Variants in ELF1 observed in about 807,000 individuals in gnomAD.
The protein encoded by ELF1 is ETS-related transcription factor Elf-1.
In ELF1, 24 loss-of-function variants were observed where a neutral mutation model predicts 59.9. That is an observed-to-expected ratio of 0.40 (90% CI 0.29 to 0.56). The LOEUF is 0.56. Among genes scored for constraint, ELF1 ranks in the 20% least tolerant of loss-of-function variants. The pLI is 0.44. For missense variants in ELF1, 627 were observed against 742.2 expected (o/e 0.84, Z 1.80); for synonymous variants, 248 against 266.2 (o/e 0.93, Z 0.67).
Position 41,042,795 on chromosome 13 carries a change from A to G in ELF1, c.-229+18043T>C, listed in dbSNP as rs149373225. ...CATGTGCATGTGTCTTTAGAGCAGC[A>G]TGATTTATAATCCTTTGAAAATATA... On this transcript the variant is annotated intron_variant, in intron 1 of 1. Coordinates refer to the ELF1 transcript ENST00000405737. 7.5e-3 allele frequency among the ~76,000 whole-genome samples: 1,140 copies of G among 152,338 alleles called. 7 individuals are homozygous for G. The highest frequency in any genetic ancestry group is 0.017 in the Middle Eastern group (5 of 294).
Position 40,941,091 on chromosome 13 carries a change from T to C in ELF1, c.1086A>G (p.Ala362=), listed in dbSNP as rs779678252. The change falls in exon 8 of 9, where the codon GCA becomes GCG. Residue 362 remains alanine, a synonymous_variant. Coordinates refer to ENST00000239882, the MANE Select transcript of ELF1 (RefSeq NM_172373.4). ...CTGTCCTCAAAACTTCTGATGGTTG[T>C]GCAACTTCCACAGGATCTTTGGGTT... ...AAKPKDPVEV[A]QPSEVLRTVQ... The C allele has an allele frequency of 6.2e-7, 1 of 1,614,216 alleles. No homozygotes were observed. The highest frequency in any genetic ancestry group is 8.5e-7 in the Non-Finnish European group (1 of 1,180,028).
At chr13:41,008,834 T>C (rs931276024) in intron 1 of ELF1, among the ~76,000 whole-genome samples, 1 of 152,200 alleles carries the variant, frequency 6.6e-6, no homozygotes, top group African/African-American at 2.4e-5. Flanking sequence ...AGCAACATAT[T>C]CCAACAGATT....
At chr13:41,015,780 T>C (rs1875321425) in intron 1 of ELF1, among the ~76,000 whole-genome samples, 1 of 152,190 alleles carries the variant, frequency 6.6e-6, no homozygotes, top group Non-Finnish European at 1.5e-5. Flanking sequence ...TTTTTAAAGA[T>C]GTGCCATCTT....
At chr13:41,034,123 A>G (rs1347865780) in intron 1 of ELF1, among the ~76,000 whole-genome samples, 1 of 152,176 alleles carries the variant, frequency 6.6e-6, no homozygotes, top group African/African-American at 2.4e-5. Context: ...TCACAAGAAA[A>G]CAAGAGATAT....
chr13:41,017,926 C>T (rs568153841), intron 1 of ELF1, among the ~76,000 whole-genome samples: 3 of 152,288 alleles, frequency 2.0e-5, no homozygotes, highest in East Asian at 1.9e-4. Context: ...AATGGCTCAG[C>T]TGAATTGGTA....
chr13:40,989,280 C>A lies in ELF1; in HGVS notation c.-228-6998G>T, dbSNP rs547969011. Among the ~76,000 whole-genome samples the A allele has an allele frequency of 8.6e-4, 131 of 152,296 alleles. 1 individual carries two copies. Among genetic ancestry groups the A allele is most frequent in the Non-Finnish European group, 6.6e-4 (45 of 68,012 alleles). Reference sequence around the variant, plus strand: ...CTTTCTCTAAACCAGGTACTCTACACACAAAGTTGAAGGGAAAAAACACAA... The same window carrying A: ...CTTTCTCTAAACCAGGTACTCTACAAACAAAGTTGAAGGGAAAAAACACAA... On this transcript the variant is annotated intron_variant, in intron 1 of 8. Coordinates refer to ENST00000239882, the MANE Select transcript of ELF1 (RefSeq NM_172373.4).
At chr13:41,016,106 C>CCTAGTCAGTG (rs1327347650) in intron 1 of ELF1, among the ~76,000 whole-genome samples, 11 of 152,140 alleles carry the variant, frequency 7.2e-5, no homozygotes, top group Non-Finnish European at 1.3e-4. Flanking sequence ...TCTGAATTTA[C>CCTAGTCAGTG]CTAGTCAGTG....
At chr13:40,978,387 A>AT (rs1555275268) in intron 2 of ELF1, among the ~76,000 whole-genome samples, 1 of 151,864 alleles carries the variant, frequency 6.6e-6, no homozygotes, top group Non-Finnish European at 1.5e-5. Context: ...CAAAAAAAAA[A>AT]CAAAAAAGAA....
intron 2 of ELF1, among the ~76,000 whole-genome samples, chr13:40,977,199 GTATCCA>G (rs1220996538): frequency 6.6e-6 from 1 of 151,804 alleles, no homozygotes; most frequent in East Asian, 1.9e-4. Context: ...TTAGAAACTT[GTATCCA>G]TAGACTTCTG....
chr13:40,999,349 A>C (rs1874284607), intron 1 of ELF1, among the ~76,000 whole-genome samples: 2 of 79,086 alleles, frequency 2.5e-5, no homozygotes, highest in South Asian at 1.1e-3. Context: ...GAGAGACTAA[A>C]GGGGAAAGGA....
rs147408727 is a variant in ELF1, at chr13:41,014,704, G to A, written c.-229+4524C>T. Among the ~76,000 whole-genome samples, 371 of 152,244 alleles carry A rather than the reference G, an allele frequency of 2.4e-3. 3 individuals are homozygous for A. The highest frequency in any genetic ancestry group is 0.011 in the South Asian group (53 of 4,826). Reference sequence around the variant, plus strand: ...ACCATTTATATGAAGCAGCTCCTAAGTAAAGGAGCAAAATAGTCTGGCTAA... The same window carrying A: ...ACCATTTATATGAAGCAGCTCCTAAATAAAGGAGCAAAATAGTCTGGCTAA... On this transcript the variant is annotated intron_variant, in intron 1 of 8. Transcript: ENST00000239882.
intron 1 of ELF1, among the ~76,000 whole-genome samples, chr13:41,034,938 C>G (rs1161951015): frequency 6.6e-6 from 1 of 152,178 alleles, no homozygotes; most frequent in East Asian, 1.9e-4. Flanking sequence ...TACATCTGAA[C>G]TTGTTAGTTC....
intron 1 of ELF1, among the ~76,000 whole-genome samples, chr13:40,997,366 T>TTCTGCC (rs1315762535): frequency 6.6e-6 from 1 of 152,120 alleles, no homozygotes; most frequent in East Asian, 1.9e-4. Context: ...CAAGCGATTC[T>TTCTGCC]TCTGCCTCTG....
At chr13:40,975,540 T>C (rs1476233639) in intron 2 of ELF1, among the ~76,000 whole-genome samples, 1 of 152,244 alleles carries the variant, frequency 6.6e-6, no homozygotes, top group Non-Finnish European at 1.5e-5. Context: ...TTATTTGAAG[T>C]GTTTTCCACT....
intron 1 of ELF1, among the ~76,000 whole-genome samples, chr13:41,047,025 A>G (rs1056439565): frequency 2.0e-5 from 3 of 151,610 alleles, no homozygotes; most frequent in African/African-American, 7.3e-5. Context: ...CGCTTCATTT[A>G]TTTGATCTTC....
intron 1 of ELF1, among the ~76,000 whole-genome samples, chr13:40,989,005 C>T (rs1041008644): frequency 6.6e-6 from 1 of 152,122 alleles, no homozygotes; most frequent in East Asian, 1.9e-4. Flanking sequence ...ACTATGTTGC[C>T]CAAGGTGGCC....
chr13:41,048,277 A>G (rs184976249), intron 1 of ELF1, among the ~76,000 whole-genome samples: 1 of 152,156 alleles, frequency 6.6e-6, no homozygotes, highest in East Asian at 1.9e-4. Context: ...GCCTGCACCC[A>G]CTGTCTTGCA....
chr13:41,055,235 T>C (rs2099480987), intron 1 of ELF1, among the ~76,000 whole-genome samples: 2 of 152,108 alleles, frequency 1.3e-5, no homozygotes, highest in African/African-American at 4.8e-5. Flanking sequence ...ATCAGGAGGA[T>C]AGTAAAAACA....
At chr13:41,057,956 T>C (rs1355366138) in intron 1 of ELF1, among the ~76,000 whole-genome samples, 2 of 152,240 alleles carry the variant, frequency 1.3e-5, no homozygotes, top group African/African-American at 4.8e-5. Context: ...TAAGCCTAGA[T>C]TTCATTCCTA....
Sources: gnomAD v4.1 joint callset for allele counts (sites outside exome capture counted in the v4.1 genomes callset) on GRCh38, gnomAD v4.1.1 for gene constraint, MANE v1.5 for transcripts, NCBI Gene and HGNC (gene_info 2026-07-23, HGNC 2026-07-21) for gene names.